The following GPAT3 variants were observed in gnomAD, a reference collection of about 807,000 sequenced individuals.
The protein encoded by GPAT3 is glycerol-3-phosphate acyltransferase 3, also known as 1-AGP acyltransferase 9.
Under a neutral mutation model 58.8 loss-of-function variants are expected in GPAT3, and 53 were observed. The observed-to-expected ratio is 0.90, with a 90% CI of 0.72 to 1.13. The LOEUF is 1.13. GPAT3 is among the 50% of genes most tolerant of loss of function. The pLI is 0.00. For missense variants in GPAT3, 511 were observed against 527.6 expected (o/e 0.97, Z 0.31); for synonymous variants, 197 against 187.4 (o/e 1.05, Z -0.42).
chr4:83,577,458 A>G (rs1725861614), intron 2 of GPAT3, among the ~76,000 whole-genome samples: 1 of 152,154 alleles, frequency 6.6e-6, no homozygotes, highest in South Asian at 2.1e-4. Context: ...CATATGCTGA[A>G]GTATTTGGGG....
At chr4:83,553,593 A>G (rs9999872) in intron 2 of GPAT3, among the ~76,000 whole-genome samples, 4,824 of 152,096 alleles carry the variant, frequency 0.032, 277 homozygotes, top group African/African-American at 0.11. Flanking sequence ...GTTGAGTGAG[A>G]ACTGAGATTC....
chr4:83,560,512 G>A, intron 2 of GPAT3, among the ~76,000 whole-genome samples: 1 of 152,106 alleles, frequency 6.6e-6, no homozygotes, highest in East Asian at 1.9e-4. Flanking sequence ...TGAAGCATGA[G>A]GATGCAGGGG....
intron 2 of GPAT3, among the ~76,000 whole-genome samples, chr4:83,577,528 A>C (rs943525322): frequency 6.6e-6 from 1 of 152,212 alleles, no homozygotes; most frequent in Admixed American, 6.5e-5. Flanking sequence ...TTTTATATAC[A>C]TATAAAGATA....
intron 3 of GPAT3, 114 bp downstream of exon 3, chr4:83,581,946 A>G: frequency 2.9e-6 from 4 of 1,376,050 alleles, no homozygotes; most frequent in Non-Finnish European, 3.9e-6. Flanking sequence ...ATTCCCACGT[A>G]GGAAATGCCA....
At chr4:83,537,143 C>A (rs1724129245) in intron 1 of GPAT3, among the ~76,000 whole-genome samples, 3 of 152,310 alleles carry the variant, frequency 2.0e-5, no homozygotes, top group South Asian at 4.1e-4. Context: ...GTTTTTACAG[C>A]CCCAGGTTTC....
At chr4:83,571,477 A>G (rs1189215786) in intron 2 of GPAT3, among the ~76,000 whole-genome samples, 2 of 152,072 alleles carry the variant, frequency 1.3e-5, no homozygotes, top group African/African-American at 4.8e-5. Flanking sequence ...ATGTAGTAGT[A>G]TCTCATTATA....
chr4:83,559,927 A>G (rs1052149992), intron 2 of GPAT3, among the ~76,000 whole-genome samples: 6 of 152,150 alleles, frequency 3.9e-5, no homozygotes, highest in Non-Finnish European at 7.4e-5. Context: ...TGGACTTGTG[A>G]TTAGACAGAA....
At chr4:83,596,791 A>G in intron 7 of GPAT3, 67 bp from the exon 8 acceptor site, 1 of 1,211,000 alleles carries the variant, frequency 8.3e-7, no homozygotes, top group East Asian at 2.3e-5. Flanking sequence ...AAGTGCAAGG[A>G]ATATCAAAAA....
chr4:83,574,624 A>ATTTTTTTTTT (rs561972057), intron 2 of GPAT3, among the ~76,000 whole-genome samples: 36 of 55,582 alleles, frequency 6.5e-4, no homozygotes, highest in Non-Finnish European at 9.4e-4. Context: ...AGTAAAATGA[A>ATTTTTTTTTT]TTTTTTTTTT....
chr4:83,574,762 A>G (rs962637497), intron 2 of GPAT3, among the ~76,000 whole-genome samples: 6 of 147,890 alleles, frequency 4.1e-5, no homozygotes, highest in African/African-American at 1.2e-4. Flanking sequence ...GATTGCTTTA[A>G]TGATAACAAA....
At chr4:83,586,033 G>A (rs1484385430) in intron 3 of GPAT3, among the ~76,000 whole-genome samples, 1 of 152,166 alleles carries the variant, frequency 6.6e-6, no homozygotes, top group Admixed American at 6.5e-5. Flanking sequence ...GGGTGAGTTA[G>A]TTAGCCTTTC....
intron 2 of GPAT3, among the ~76,000 whole-genome samples, chr4:83,579,017 CCTTTCTTTCTTT>C (rs756095198): frequency 1.5e-3 from 72 of 46,514 alleles, no homozygotes; most frequent in East Asian, 3.0e-3. Flanking sequence ...TCCTTCTTTC[CCTTTCTTTCTTT>C]CTTTCTTTCT....
At chr4:83,555,467 C>G (rs1424821858) in intron 2 of GPAT3, among the ~76,000 whole-genome samples, 1 of 152,190 alleles carries the variant, frequency 6.6e-6, no homozygotes, top group Non-Finnish European at 1.5e-5. Context: ...AGAGAACTTT[C>G]AGATTGTTGA....
At chr4:83,547,361 T>C (rs1724570417) in intron 2 of GPAT3, among the ~76,000 whole-genome samples, 1 of 146,598 alleles carries the variant, frequency 6.8e-6, no homozygotes, top group Non-Finnish European at 1.5e-5. Context: ...CACGCCATTC[T>C]CCTGCCTCAG....
chr4:83,547,109 A>G (rs1361634714), intron 2 of GPAT3, among the ~76,000 whole-genome samples: 1 of 152,056 alleles, frequency 6.6e-6, no homozygotes, highest in Non-Finnish European at 1.5e-5. Context: ...CAAGGGTCAC[A>G]GGCAGGCCAA....
chr4:83,597,367 A>C, intron 8 of GPAT3, 63 bp from the exon 9 acceptor site: 1 of 890,908 alleles, frequency 1.1e-6, no homozygotes, highest in Non-Finnish European at 1.6e-6. Context: ...ATTTCTTTTA[A>C]AATTTATTTT....
At chr4:83,589,565 G>A (rs1404320651) in intron 5 of GPAT3, among the ~76,000 whole-genome samples, 3 of 152,148 alleles carry the variant, frequency 2.0e-5, no homozygotes, top group Non-Finnish European at 4.4e-5. Context: ...CTCTGCTCTA[G>A]GAGGATAGGA....
intron 1 of GPAT3, among the ~76,000 whole-genome samples, chr4:83,537,120 G>C (rs900085029): frequency 6.6e-6 from 1 of 152,158 alleles, no homozygotes; most frequent in South Asian, 2.1e-4. Flanking sequence ...TGCAGTTTCC[G>C]CTTCACCCGC....
At chr4:83,562,743 A>G (rs992177321) in intron 2 of GPAT3, among the ~76,000 whole-genome samples, 1 of 152,174 alleles carries the variant, frequency 6.6e-6, no homozygotes, top group African/African-American at 2.4e-5. Flanking sequence ...AAGATCAACC[A>G]GGTAAGAGAA....
Sources: gnomAD v4.1 joint callset for allele counts (sites outside exome capture counted in the v4.1 genomes callset) on GRCh38, gnomAD v4.1.1 for gene constraint, MANE v1.5 for transcripts, NCBI Gene and HGNC (gene_info 2026-07-23, HGNC 2026-07-21) for gene names.